Variants in MYO18B observed in about 807,000 individuals in gnomAD.
MYO18B encodes myosin XVIIIB.
In MYO18B, 204 loss-of-function variants were observed where a neutral mutation model predicts 273.0. That is an observed-to-expected ratio of 0.75 (90% CI 0.67 to 0.84). The LOEUF is 0.84. MYO18B is among the 40% of genes least tolerant of loss of function. The pLI, the probability that MYO18B is intolerant of heterozygous loss-of-function variation, is 0.00. For synonymous variants in MYO18B, 1,330 were observed against 1,305.7 expected (o/e 1.02, Z -0.40); for missense variants, 3,212 against 3,287.6 (o/e 0.98, Z 0.56).
At chr22:25,755,812 G>T (rs954110783) in intron 1 of MYO18B, among the ~76,000 whole-genome samples, 3 of 152,128 alleles carry the variant, frequency 2.0e-5, no homozygotes, top group Non-Finnish European at 2.9e-5. Flanking sequence ...GCGGTTATTG[G>T]AAGCTCCCTG....
At chr22:25,773,458 G>A (rs112834436) in intron 7 of MYO18B, among the ~76,000 whole-genome samples, 9 of 151,990 alleles carry the variant, frequency 5.9e-5, no homozygotes, top group African/African-American at 1.7e-4. Flanking sequence ...GCTACTATGG[G>A]TATTTATTTA....
intron 33 of MYO18B, among the ~76,000 whole-genome samples, chr22:25,913,874 C>T (rs2092209503): frequency 6.6e-6 from 1 of 152,166 alleles, no homozygotes; most frequent in South Asian, 2.1e-4. Context: ...TCGTGTTAAT[C>T]AAGCATGTTT....
chr22:25,898,229 A>T (rs1208580270), intron 28 of MYO18B, 78 bp from the exon 29 acceptor site: 1 of 1,501,704 alleles, frequency 6.7e-7, no homozygotes, highest in African/African-American at 1.4e-5. Flanking sequence ...CCTTGGAAAT[A>T]GCAACTCCTT....
At position 25,931,296 on chromosome 22, in the gene MYO18B, G is replaced by A. The variant is rs12165378; in HGVS notation, c.5517+9887G>A. ...ATTCAATGCTATGATGAATGAAGTG[G>A]GAAGAGGCTGGTTTCATTATAGGCA... On this transcript the variant is annotated intron_variant, in intron 34 of 43. Transcript: ENST00000335473. Among the ~76,000 whole-genome samples, 443 of 152,272 alleles carry A rather than the reference G, an allele frequency of 2.9e-3. 2 individuals carry two copies. Among genetic ancestry groups the A allele is most frequent in the African/African-American group, 0.01 (416 of 41,554 alleles).
At chr22:26,020,931 A>G (rs545023520) in intron 42 of MYO18B, among the ~76,000 whole-genome samples, 8 of 152,166 alleles carry the variant, frequency 5.3e-5, no homozygotes, top group African/African-American at 1.9e-4. Flanking sequence ...TCTACTAAAA[A>G]TACAAAAATT....
At chr22:25,847,716 G>A (rs903946570) in intron 20 of MYO18B, 64 bp downstream of exon 20, 28 of 1,281,180 alleles carry the variant, frequency 2.2e-5, no homozygotes, top group African/African-American at 1.0e-4. Flanking sequence ...CCCACCAGTG[G>A]CAGCCAAGGG....
intron 39 of MYO18B, among the ~76,000 whole-genome samples, chr22:25,956,608 A>G (rs913613539): frequency 6.6e-6 from 1 of 151,660 alleles, no homozygotes; most frequent in Non-Finnish European, 1.5e-5. Flanking sequence ...CACAGGTCAC[A>G]GAGCATCTAA....
intron 40 of MYO18B, among the ~76,000 whole-genome samples, chr22:25,995,792 ATCTGAAT>A: frequency 6.6e-6 from 1 of 152,240 alleles, no homozygotes; most frequent in African/African-American, 2.4e-5. Context: ...CTGGAATCCA[ATCTGAAT>A]TCTTTCTTTC....
intron 1 of MYO18B, among the ~76,000 whole-genome samples, chr22:25,755,484 G>A (rs527315368): frequency 6.6e-6 from 1 of 152,334 alleles, no homozygotes; most frequent in South Asian, 2.1e-4. Context: ...GGAGTTACAG[G>A]CGTGAGCCAC....
chr22:26,057,852 C>T, the MYO18B span, among the ~76,000 whole-genome samples: 576 of 152,250 alleles, frequency 3.8e-3, 7 homozygotes, highest in South Asian at 0.052. Flanking sequence ...TTATGTCACA[C>T]TCAGCTTCAG....
At chr22:25,755,063 A>AGTCT (rs1207143188) in intron 1 of MYO18B, among the ~76,000 whole-genome samples, 1 of 152,098 alleles carries the variant, frequency 6.6e-6, no homozygotes, top group Non-Finnish European at 1.5e-5. Context: ...TTAGGCATGG[A>AGTCT]GTCTGTGAGT....
chr22:25,822,954 C>T (rs1017404294), intron 12 of MYO18B, among the ~76,000 whole-genome samples: 12 of 152,192 alleles, frequency 7.9e-5, no homozygotes, highest in African/African-American at 2.9e-4. Flanking sequence ...ACTTTTTTAA[C>T]TCCTAGGGCC....
intron 17 of MYO18B, among the ~76,000 whole-genome samples, chr22:25,836,409 G>A (rs1034738308): frequency 6.6e-6 from 1 of 152,096 alleles, no homozygotes; most frequent in Non-Finnish European, 1.5e-5. Flanking sequence ...GGATGAGGAT[G>A]CTGATGGTGA....
At chr22:26,040,851 A>G in the MYO18B span, among the ~76,000 whole-genome samples, 13 of 152,306 alleles carry the variant, frequency 8.5e-5, no homozygotes, top group Middle Eastern at 3.4e-3. Flanking sequence ...TGAGGGTCAG[A>G]TGATGTAGGG....
chr22:25,896,329 A>C (rs2091799950), intron 28 of MYO18B: 1 of 152,084 alleles, frequency 6.6e-6, no homozygotes, highest in South Asian at 2.1e-4. Flanking sequence ...AGGTGCATGC[A>C]GTTCTTTGAG....
intron 40 of MYO18B, 21 bp downstream of exon 40, chr22:25,992,514 C>T (rs375639839): frequency 6.2e-6 from 10 of 1,613,214 alleles, no homozygotes; most frequent in Middle Eastern, 3.3e-4. Flanking sequence ...AGGGGCTCGG[C>T]GGGGCTGGGC....
chr22:25,895,957 G>A (rs1274905799), intron 28 of MYO18B, among the ~76,000 whole-genome samples: 1 of 150,004 alleles, frequency 6.7e-6, no homozygotes, highest in Non-Finnish European at 1.5e-5. Context: ...GTGAATTTTT[G>A]TGTGTGTATT....
intron 40 of MYO18B, among the ~76,000 whole-genome samples, chr22:26,000,102 G>A (rs1029985591): frequency 1.3e-5 from 2 of 152,248 alleles, no homozygotes; most frequent in African/African-American, 4.8e-5. Context: ...CCACTCAGCA[G>A]AAAACAATGA....
chr22:25,759,189 C>A (rs922068444), intron 1 of MYO18B, among the ~76,000 whole-genome samples: 1 of 152,012 alleles, frequency 6.6e-6, no homozygotes, highest in Non-Finnish European at 1.5e-5. Context: ...AAAACAAATA[C>A]CCAAAGGATT....
Sources: gnomAD v4.1 joint callset for allele counts (sites outside exome capture counted in the v4.1 genomes callset) on GRCh38, gnomAD v4.1.1 for gene constraint, MANE v1.5 for transcripts, NCBI Gene and HGNC (gene_info 2026-07-23, HGNC 2026-07-21) for gene names.